The following CNGB3 variants were observed in gnomAD, a reference collection of about 807,000 sequenced individuals.
CNGB3 encodes cyclic nucleotide gated channel subunit beta 3, also known as cyclic nucleotide-gated channel beta-3.
Under a neutral mutation model 92.8 loss-of-function variants are expected in CNGB3, and 86 were observed. That is an observed-to-expected ratio of 0.93 (90% CI 0.78 to 1.11). The LOEUF (loss-of-function observed/expected upper bound fraction) is 1.11, where lower values mean the gene tolerates loss of function less well. Ranked by LOEUF, CNGB3 falls within the 50% of genes least tolerant of loss-of-function variation. The probability of loss-of-function intolerance (pLI) is 0.00; values close to 1 mark genes in which losing one functional copy is unlikely to be tolerated. For missense variants in CNGB3, 1,026 were observed against 956.8 expected, an observed-to-expected ratio of 1.07 and a Z score of -0.95; for synonymous variants, 333 against 332.7, an observed-to-expected ratio of 1.00 and a Z score of -0.01.
At chr8:86,633,784 A>T (rs1201447075) in intron 10 of CNGB3, among the ~76,000 whole-genome samples, 2 of 152,266 alleles carry the variant, frequency 1.3e-5, no homozygotes, top group Non-Finnish European at 2.9e-5. Flanking sequence ...AGAATCTTCT[A>T]TAGTTTAGAT....
In CNGB3 at chr8:86,735,178, T is replaced by C. The variant is rs1423590166; in HGVS notation, c.211+4477A>G. ...TTTTTTTTGAGACAGAGTCTTGCTG[T>C]GTTGCCCAGGCTGGAGTGCAGTGGC... On this transcript the variant is annotated intron_variant, in intron 2 of 17. Coordinates refer to ENST00000320005, the MANE Select transcript of CNGB3 (RefSeq NM_019098.5). Among the ~76,000 whole-genome samples, 7 of 122,466 alleles carry C rather than the reference T, an allele frequency of 5.7e-5. No individual in the cohort carries two copies. In the East Asian group the frequency reaches 1.5e-3, roughly 26 times the overall value. The allele number at this position is 122,466 out of a possible 152,430, so 80.3% of individuals were successfully genotyped here.
At chr8:86,688,064 G>A (rs543856017) in intron 3 of CNGB3, among the ~76,000 whole-genome samples, 1 of 152,098 alleles carries the variant, frequency 6.6e-6, no homozygotes, top group Admixed American at 6.6e-5. Context: ...AAAGGTGTAT[G>A]GGTTTAAGAA....
chr8:86,714,347 T>C (rs930802272), intron 3 of CNGB3, among the ~76,000 whole-genome samples: 1 of 152,144 alleles, frequency 6.6e-6, no homozygotes, highest in East Asian at 1.9e-4. Flanking sequence ...CAGGCTGGAG[T>C]GCAGTGGTGC....
At chr8:86,719,246 G>A (rs1363909947) in intron 3 of CNGB3, among the ~76,000 whole-genome samples, 2 of 152,052 alleles carry the variant, frequency 1.3e-5, no homozygotes, top group African/African-American at 4.8e-5. Context: ...ATTTGCTGAT[G>A]ATATAATCTT....
At chr8:86,644,312 A>G (rs950058870) in intron 9 of CNGB3, among the ~76,000 whole-genome samples, 5 of 151,400 alleles carry the variant, frequency 3.3e-5, no homozygotes, top group Admixed American at 2.6e-4. Context: ...CAGATTAGGA[A>G]TGAATTATCA....
chr8:86,667,985 C>T (rs778751621), intron 5 of CNGB3, 34 bp downstream of exon 5: 1 of 1,612,494 alleles, frequency 6.2e-7, no homozygotes, highest in Non-Finnish European at 8.5e-7. Context: ...GATAGCCAGC[C>T]CTCCCACTAT....
rs146109703 is a variant in CNGB3 at position 86,728,080 on chromosome 8, G to A, written c.212-1423C>T. ...TTCCCAAGACGCTTTTATTCATTACGCATCTCCTATCTACTTTTATTTTGG... is the reference window on the plus strand; with the variant it reads ...TTCCCAAGACGCTTTTATTCATTACACATCTCCTATCTACTTTTATTTTGG... On this transcript the variant is annotated intron_variant, in intron 2 of 17. Coordinates refer to ENST00000320005, the MANE Select transcript of CNGB3 (RefSeq NM_019098.5). 6.4e-3 allele frequency among the ~76,000 whole-genome samples: 972 copies of A among 152,144 alleles called. 7 individuals are homozygous for A. The highest frequency in any genetic ancestry group is 0.02 in the Middle Eastern group (6 of 294).
At chr8:86,743,381 T>C in intron 1 of CNGB3, 118 bp downstream of exon 1, 1 of 1,091,760 alleles carries the variant, frequency 9.2e-7, no homozygotes, top group African/African-American at 1.5e-5. Flanking sequence ...ACAGTACATG[T>C]ACCAGATGGT....
At chr8:86,638,299 T>A (rs1191327366) in intron 10 of CNGB3, among the ~76,000 whole-genome samples, 1 of 152,166 alleles carries the variant, frequency 6.6e-6, no homozygotes, top group African/African-American at 2.4e-5. Context: ...AACTGTCAGA[T>A]CTTTTTCCAA....
At chr8:86,584,550 C>T (rs1381811677) in intron 15 of CNGB3, among the ~76,000 whole-genome samples, 2 of 149,518 alleles carry the variant, frequency 1.3e-5, no homozygotes, top group South Asian at 4.3e-4. Context: ...CAAACTCTTT[C>T]AGCAATGTTT....
chr8:86,660,707 C>T (rs1245529080), intron 6 of CNGB3: 12 of 529,048 alleles, frequency 2.3e-5, no homozygotes, highest in Admixed American at 3.9e-5. Flanking sequence ...AAGTTCCATA[C>T]ACAGTGCTCC....
chr8:86,720,829 T>TAA (rs1824954205), intron 3 of CNGB3, among the ~76,000 whole-genome samples: 1 of 123,358 alleles, frequency 8.1e-6, no homozygotes, highest in South Asian at 3.4e-4. Context: ...TATATATATA[T>TAA]ATATATGTAT....
intron 12 of CNGB3, among the ~76,000 whole-genome samples, chr8:86,626,903 G>A (rs369727807): frequency 9.3e-5 from 14 of 151,208 alleles, no homozygotes; most frequent in Admixed American, 2.6e-4. Flanking sequence ...TTTGTTATAC[G>A]GTAAACTCAT....
chr8:86,658,222 G>C (rs1823555741), intron 6 of CNGB3: 3 of 559,952 alleles, frequency 5.4e-6, no homozygotes, highest in Non-Finnish European at 1.0e-5. Context: ...TCCTTCAGCT[G>C]CCCACGTGGC....
intron 15 of CNGB3, among the ~76,000 whole-genome samples, chr8:86,600,223 C>T (rs1000771181): frequency 6.6e-6 from 1 of 152,124 alleles, no homozygotes; most frequent in South Asian, 2.1e-4. Flanking sequence ...AAAACTTTGT[C>T]CCCAAAGCAT....
At chr8:86,732,917 A>G (rs1020785030) in intron 2 of CNGB3, among the ~76,000 whole-genome samples, 1 of 152,114 alleles carries the variant, frequency 6.6e-6, no homozygotes, top group African/African-American at 2.4e-5. Context: ...GATTCAGGGG[A>G]TGCATGTGTG....
intron 15 of CNGB3, among the ~76,000 whole-genome samples, chr8:86,583,018 C>A (rs939008497): frequency 7.6e-6 from 1 of 131,554 alleles, no homozygotes; most frequent in African/African-American, 3.0e-5. Context: ...TTACTGCAAC[C>A]TCTGCTTCCT....
chr8:86,626,928 T>C (rs1200589217), intron 12 of CNGB3, among the ~76,000 whole-genome samples: 2 of 152,012 alleles, frequency 1.3e-5, no homozygotes, highest in Non-Finnish European at 2.9e-5. Context: ...TGGGGATTTG[T>C]TATAGAGATT....
At chr8:86,588,666 C>G (rs549985808) in intron 15 of CNGB3, among the ~76,000 whole-genome samples, 1 of 147,812 alleles carries the variant, frequency 6.8e-6, no homozygotes, top group Non-Finnish European at 1.5e-5. Flanking sequence ...ATTGAACCAG[C>G]CTTGCATCCC....
Sources: gnomAD v4.1 joint callset for allele counts (sites outside exome capture counted in the v4.1 genomes callset) on GRCh38, gnomAD v4.1.1 for gene constraint, MANE v1.5 for transcripts, NCBI Gene and HGNC (gene_info 2026-07-23, HGNC 2026-07-21) for gene names.